ZNF423: variants seen among roughly 807,000 people sequenced by gnomAD.
ZNF423 encodes the protein zinc finger protein 423, also known as Ebf-associated zinc finger protein.
A neutral mutation model predicts 95.8 loss-of-function variants in ZNF423; 12 were observed. That is an observed-to-expected ratio of 0.13 (90% CI 0.08 to 0.20). The LOEUF is 0.20. Ranked by LOEUF, ZNF423 falls within the 10% of genes least tolerant of loss-of-function variation. ZNF423 has a pLI of 1.00. For synonymous variants in ZNF423, 749 were observed against 711.9 expected (o/e 1.05, Z -0.83); for missense variants, 1,316 against 1,737.1 (o/e 0.76, Z 4.31).
At chr16:49,849,343 C>A (rs1193752034) in intron 1 of ZNF423, among the ~76,000 whole-genome samples, 1 of 152,120 alleles carries the variant, frequency 6.6e-6, no homozygotes, top group African/African-American at 2.4e-5. Flanking sequence ...CCCATCGACC[C>A]AGAACCTGGT....
chr16:49,510,165 C>G (rs58843305), intron 7 of ZNF423, among the ~76,000 whole-genome samples: 33 of 152,372 alleles, frequency 2.2e-4, no homozygotes, highest in African/African-American at 7.2e-4. Flanking sequence ...GTTGCCTCCT[C>G]CATGTGGCCT....
chr16:49,496,883 G>A (rs1420349828), intron 7 of ZNF423, among the ~76,000 whole-genome samples: 2 of 152,162 alleles, frequency 1.3e-5, no homozygotes, highest in Non-Finnish European at 2.9e-5. Flanking sequence ...CACGATTGGG[G>A]CTTACAGTGA....
At chr16:49,533,899 T>C (rs1968951624) in intron 5 of ZNF423, among the ~76,000 whole-genome samples, 1 of 152,186 alleles carries the variant, frequency 6.6e-6, no homozygotes, top group Admixed American at 6.5e-5. Context: ...GGCTTACACC[T>C]GTAATTCCAG....
At chr16:49,651,738 T>C (rs1351286467) in intron 3 of ZNF423, among the ~76,000 whole-genome samples, 1 of 152,234 alleles carries the variant, frequency 6.6e-6, no homozygotes, top group Admixed American at 6.5e-5. Flanking sequence ...AAATGTTCTA[T>C]AATGCCTAAA....
chr16:49,771,192 C>CTTTTTTTTTTTTT (rs71380376), intron 2 of ZNF423, among the ~76,000 whole-genome samples: 822 of 89,384 alleles, frequency 9.2e-3, no homozygotes, highest in Non-Finnish European at 0.012. Flanking sequence ...TTTTTTTTTT[C>CTTTTTTTTTTTTT]TTTTTTTTTT....
chr16:49,831,901 G>C (rs899804458), intron 1 of ZNF423, among the ~76,000 whole-genome samples: 1 of 151,736 alleles, frequency 6.6e-6, no homozygotes, highest in South Asian at 2.1e-4. Flanking sequence ...CTGGGGAGGC[G>C]GAGGCAGGAG....
At chr16:49,583,958 C>G (rs1970746543) in intron 5 of ZNF423, among the ~76,000 whole-genome samples, 1 of 152,240 alleles carries the variant, frequency 6.6e-6, no homozygotes, top group South Asian at 2.1e-4. Flanking sequence ...ATGTGTCAGT[C>G]ACAGACCCAG....
chr16:49,809,296 G>A (rs926028564), intron 1 of ZNF423, among the ~76,000 whole-genome samples: 9 of 152,218 alleles, frequency 5.9e-5, no homozygotes, highest in African/African-American at 1.4e-4. Flanking sequence ...TCTGGTCCAC[G>A]GCTGGCAGGG....
At chr16:49,747,326 A>AG (rs1441950519) in intron 2 of ZNF423, among the ~76,000 whole-genome samples, 3 of 151,904 alleles carry the variant, frequency 2.0e-5, no homozygotes, top group Non-Finnish European at 2.9e-5. Context: ...GAGAGAGGGA[A>AG]AAAAAAAGCA....
At chr16:49,676,569 G>T (rs1476192664) in intron 3 of ZNF423, among the ~76,000 whole-genome samples, 1 of 151,928 alleles carries the variant, frequency 6.6e-6, no homozygotes, top group Non-Finnish European at 1.5e-5. Flanking sequence ...TATGCTCCAG[G>T]TCCACCGAGA....
chr16:49,746,001 A>G (rs186519743), intron 2 of ZNF423, among the ~76,000 whole-genome samples: 1 of 152,256 alleles, frequency 6.6e-6, no homozygotes, highest in African/African-American at 2.4e-5. Flanking sequence ...AAATGAGGAC[A>G]GGTGCAGGGG....
chr16:49,506,054 T>C (rs1225749892), intron 7 of ZNF423, among the ~76,000 whole-genome samples: 2 of 152,176 alleles, frequency 1.3e-5, no homozygotes, highest in Non-Finnish European at 1.5e-5. Context: ...GTGTGTGCTT[T>C]CGTGTGTGTG....
intron 1 of ZNF423, among the ~76,000 whole-genome samples, chr16:49,828,811 G>A (rs1031771387): frequency 7.2e-5 from 11 of 152,208 alleles, no homozygotes; most frequent in Admixed American, 3.3e-4. Flanking sequence ...TGGAGGAGAG[G>A]TCTGGAGACC....
intron 3 of ZNF423, among the ~76,000 whole-genome samples, chr16:49,642,930 C>T (rs1187152618): frequency 6.6e-6 from 1 of 150,642 alleles, no homozygotes; most frequent in Non-Finnish European, 1.5e-5. Context: ...AAGCAATTCT[C>T]CTTCCTCATC....
At chr16:49,733,384 G>A (rs139308536) in intron 2 of ZNF423, among the ~76,000 whole-genome samples, 38 of 152,044 alleles carry the variant, frequency 2.5e-4, no homozygotes, top group East Asian at 2.1e-3. Context: ...TTTTTTTGCC[G>A]TATTTACTTG....
chr16:49,672,665 A>G (rs572719426), intron 3 of ZNF423, among the ~76,000 whole-genome samples: 1 of 152,072 alleles, frequency 6.6e-6, no homozygotes, highest in South Asian at 2.1e-4. Flanking sequence ...AAAATACAAA[A>G]ATTAGCCAGG....
At chr16:49,733,948 T>G (rs1247426295) in intron 2 of ZNF423, among the ~76,000 whole-genome samples, 1 of 152,242 alleles carries the variant, frequency 6.6e-6, no homozygotes, top group Non-Finnish European at 1.5e-5. Flanking sequence ...TTTTTCCATT[T>G]GCAGATGAGA....
At chr16:49,723,489 T>C (rs538825418) in intron 3 of ZNF423, among the ~76,000 whole-genome samples, 1 of 152,290 alleles carries the variant, frequency 6.6e-6, no homozygotes, top group East Asian at 1.9e-4. Context: ...AAGGAAAACA[T>C]CTTTTGCCTG....
chr16:49,794,639 G>T (rs1314374542), intron 1 of ZNF423, among the ~76,000 whole-genome samples: 1 of 152,322 alleles, frequency 6.6e-6, no homozygotes, highest in Non-Finnish European at 1.5e-5. Context: ...GGCTGCAGCT[G>T]CCCACTCCTG....
Sources: gnomAD v4.1 joint callset for allele counts (sites outside exome capture counted in the v4.1 genomes callset) on GRCh38, gnomAD v4.1.1 for gene constraint, MANE v1.5 for transcripts, NCBI Gene and HGNC (gene_info 2026-07-23, HGNC 2026-07-21) for gene names.